Variants in TTC28 observed in about 807,000 individuals in gnomAD.
The protein encoded by TTC28 is tetratricopeptide repeat protein 28.
TTC28 carries 61 observed loss-of-function variants against 198.0 expected under a neutral mutation model. That is an observed-to-expected ratio of 0.31 (90% CI 0.25 to 0.38). TTC28 has a LOEUF of 0.38. Ranked by LOEUF, TTC28 falls within the 10% of genes least tolerant of loss-of-function variation. The pLI, the probability that TTC28 is intolerant of heterozygous loss-of-function variation, is 1.00. For missense variants in TTC28, 2,678 were observed against 3,164.0 expected (o/e 0.85, Z 3.69); for synonymous variants, 1,171 against 1,297.8 (o/e 0.90, Z 2.10).
intron 12 of TTC28, 54 bp downstream of exon 12, chr22:28,094,026 A>C (rs913954831): frequency 5.2e-5 from 77 of 1,467,162 alleles, no homozygotes; most frequent in Non-Finnish European, 6.2e-5. Context: ...GTTTACAAAA[A>C]ATAATACCCT....
intron 12 of TTC28, among the ~76,000 whole-genome samples, chr22:28,048,114 T>C (rs554238062): frequency 6.6e-6 from 1 of 152,166 alleles, no homozygotes; most frequent in Non-Finnish European, 1.5e-5. Context: ...GAGGTTTTTT[T>C]CTGCTTGGGT....
intron 2 of TTC28, among the ~76,000 whole-genome samples, chr22:28,562,620 T>C (rs1408022914): frequency 1.3e-5 from 2 of 151,250 alleles, no homozygotes; most frequent in Non-Finnish European, 2.9e-5. Flanking sequence ...TAGAAGGGAG[T>C]AGCTGAAAAA....
intron 2 of TTC28, among the ~76,000 whole-genome samples, chr22:28,627,832 G>A (rs1052803545): frequency 1.3e-5 from 2 of 152,092 alleles, no homozygotes; most frequent in African/African-American, 4.8e-5. Flanking sequence ...CATTCACAAG[G>A]CAGCAGCAAT....
At chr22:28,202,959 GA>G (rs1424364015) in intron 5 of TTC28, among the ~76,000 whole-genome samples, 1 of 152,054 alleles carries the variant, frequency 6.6e-6, no homozygotes, top group East Asian at 1.9e-4. Flanking sequence ...AGAGTGACCA[GA>G]ATGCTAAATT....
chr22:28,138,761 G>A (rs1373530909), intron 6 of TTC28, among the ~76,000 whole-genome samples: 4 of 152,118 alleles, frequency 2.6e-5, no homozygotes. Context: ...TTTATCCCTA[G>A]GCAGCGTTTC....
At chr22:28,245,075 G>A (rs985179968) in intron 5 of TTC28, among the ~76,000 whole-genome samples, 1 of 152,188 alleles carries the variant, frequency 6.6e-6, no homozygotes, top group Non-Finnish European at 1.5e-5. Context: ...AATGTGGAGA[G>A]ATAAAGCAGA....
chr22:28,255,891 T>C (rs1325653477), intron 5 of TTC28, among the ~76,000 whole-genome samples: 3 of 152,090 alleles, frequency 2.0e-5, no homozygotes, highest in Non-Finnish European at 4.4e-5. Flanking sequence ...GGATTGTTTG[T>C]TATAGTAGGA....
chr22:28,539,541 C>A (rs960500244), intron 2 of TTC28, among the ~76,000 whole-genome samples: 22 of 151,542 alleles, frequency 1.5e-4, no homozygotes, highest in African/African-American at 5.3e-4. Context: ...GAGGCTGAGG[C>A]GTGAGGATTG....
chr22:28,194,619 A>G (rs1156731669), intron 5 of TTC28, among the ~76,000 whole-genome samples: 1 of 152,056 alleles, frequency 6.6e-6, no homozygotes, highest in Non-Finnish European at 1.5e-5. Flanking sequence ...CCGATCCCAC[A>G]GAAATACAAA....
At chr22:28,430,420 A>C (rs966289110) in intron 2 of TTC28, among the ~76,000 whole-genome samples, 1 of 152,162 alleles carries the variant, frequency 6.6e-6, no homozygotes, top group African/African-American at 2.4e-5. Flanking sequence ...AGTACTACAT[A>C]ATATATGTAG....
intron 2 of TTC28, among the ~76,000 whole-genome samples, chr22:28,529,405 C>T: frequency 6.6e-6 from 1 of 152,158 alleles, no homozygotes. Flanking sequence ...ACAAAGTGGC[C>T]TGGAAGCTCA....
chr22:28,207,967 G>A (rs1184170998), intron 5 of TTC28, among the ~76,000 whole-genome samples: 1 of 152,158 alleles, frequency 6.6e-6, no homozygotes, highest in Non-Finnish European at 1.5e-5. Context: ...CTGTGGGCAA[G>A]GGGCAAGAAA....
Position 28,489,972 on chromosome 22 carries a change from G to T in TTC28, c.381+139580C>A, listed in dbSNP as rs536697374. Among the ~76,000 whole-genome samples the T allele has an allele frequency of 4.2e-4, 64 of 152,212 alleles. No homozygotes were observed. In the South Asian group the frequency reaches 0.012, roughly 28 times the overall value. On this transcript the variant is annotated intron_variant, in intron 2 of 22. Coordinates refer to ENST00000397906, the MANE Select transcript of TTC28 (RefSeq NM_001145418.2). ...AGCCAGTCTGAGTCCCAAAACTGAAGAACTTGGAGTCCGATGTTCGAGGGC... is the reference window on the plus strand; with the variant it reads ...AGCCAGTCTGAGTCCCAAAACTGAATAACTTGGAGTCCGATGTTCGAGGGC...
chr22:28,191,398 T>G (rs750205749), intron 5 of TTC28, among the ~76,000 whole-genome samples: 17 of 152,316 alleles, frequency 1.1e-4, no homozygotes, highest in Admixed American at 3.9e-4. Context: ...CATTTCCAAC[T>G]GAGGTAGCGG....
intron 12 of TTC28, among the ~76,000 whole-genome samples, chr22:28,042,591 G>C (rs377169360): frequency 1.9e-4 from 29 of 151,968 alleles, no homozygotes; most frequent in African/African-American, 6.3e-4. Context: ...GGGGGTGGGG[G>C]ACTGGAGGAG....
chr22:28,365,483 A>G (rs2046232604), intron 2 of TTC28, among the ~76,000 whole-genome samples: 1 of 152,200 alleles, frequency 6.6e-6, no homozygotes, highest in South Asian at 2.1e-4. Flanking sequence ...AGCTTTGGGA[A>G]ATTATTTGTA....
intron 12 of TTC28, among the ~76,000 whole-genome samples, chr22:28,067,297 T>C (rs1370142930): frequency 6.6e-6 from 1 of 152,232 alleles, no homozygotes; most frequent in African/African-American, 2.4e-5. Flanking sequence ...AGGAAACATA[T>C]TGGCTTCATC....
At chr22:28,230,329 C>T (rs146245842) in intron 5 of TTC28, among the ~76,000 whole-genome samples, 20 of 152,292 alleles carry the variant, frequency 1.3e-4, no homozygotes, top group Middle Eastern at 3.4e-3. Flanking sequence ...AGCAGTATTC[C>T]ACAGAGAGAT....
At chr22:28,327,353 T>C (rs542666769) in intron 2 of TTC28, among the ~76,000 whole-genome samples, 1 of 152,282 alleles carries the variant, frequency 6.6e-6, no homozygotes, top group African/African-American at 2.4e-5. Flanking sequence ...TACTAACGTG[T>C]TATCTAATGT....
Sources: allele counts gnomAD v4.1 joint callset (sites outside exome capture counted in the v4.1 genomes callset), GRCh38; gene constraint gnomAD v4.1.1; transcripts MANE v1.5; gene names NCBI Gene and HGNC (gene_info 2026-07-23, HGNC 2026-07-21).